The following MDN1 variants were observed in gnomAD, a reference collection of about 807,000 sequenced individuals.
The protein encoded by MDN1 is midasin.
MDN1 carries 266 observed loss-of-function variants against 669.2 expected under a neutral mutation model. The ratio of observed to expected loss-of-function variants is 0.40; its 90% CI spans 0.36 to 0.44. The LOEUF (loss-of-function observed/expected upper bound fraction) is 0.44, where lower values mean the gene tolerates loss of function less well. Among genes scored for constraint, MDN1 ranks in the 20% least tolerant of loss-of-function variants. The pLI is 1.00. For missense variants in MDN1, 5,940 were observed against 6,754.0 expected (o/e 0.88, Z 4.22); for synonymous variants, 2,385 against 2,457.1 (o/e 0.97, Z 0.87).
At chr6:89,737,789 T>C (rs1217349167) in intron 33 of MDN1, among the ~76,000 whole-genome samples, 1 of 150,550 alleles carries the variant, frequency 6.6e-6, no homozygotes, top group Non-Finnish European at 1.5e-5. Flanking sequence ...AATGGCGCGA[T>C]CTTGGATCAC....
chr6:89,698,610 T>TG (rs376144796), intron 59 of MDN1, among the ~76,000 whole-genome samples: 1 of 152,324 alleles, frequency 6.6e-6, no homozygotes, highest in African/African-American at 2.4e-5. Flanking sequence ...TGTTTTATAG[T>TG]GGGAAAAATG....
chr6:89,688,114 G>T lies in MDN1; in HGVS notation c.11319C>A (p.Phe3773Leu). The change falls in exon 67 of 102, where the codon TTC becomes TTA. Residue 3773 changes from phenylalanine to leucine, a missense_variant. Physicochemically the swap from Phe to Leu is conservative, Grantham distance 22. Coordinates refer to ENST00000369393, the MANE Select transcript of MDN1 (RefSeq NM_014611.3). ...SFPLSSPISKFLNGLEILLAK... is the reference protein window; with the variant it reads ...SFPLSSPISKLLNGLEILLAK... ...CCAGAAGGATCTCTAAGCCATTCAG[G>T]AACTTTGAGATGGGACTGGAAAGTG... 6 of 1,614,112 alleles carry T rather than the reference G, an allele frequency of 3.7e-6. No homozygotes were observed. Among genetic ancestry groups the T allele is most frequent in the Non-Finnish European group, 5.1e-6 (6 of 1,179,990 alleles).
At chr6:89,717,439 CTT>C (rs1176772123) in intron 43 of MDN1, among the ~76,000 whole-genome samples, 1 of 152,174 alleles carries the variant, frequency 6.6e-6, no homozygotes, top group African/African-American at 2.4e-5. Context: ...AATTTTGTCT[CTT>C]TGAATATTCA....
At chr6:89,780,892 G>A (rs1169935970) in intron 10 of MDN1, among the ~76,000 whole-genome samples, 1 of 150,450 alleles carries the variant, frequency 6.6e-6, no homozygotes, top group Non-Finnish European at 1.5e-5. Flanking sequence ...CTCATGATCC[G>A]CCCACCTCGG....
At chr6:89,659,819 G>C (rs1433649054) in intron 88 of MDN1, among the ~76,000 whole-genome samples, 1 of 152,174 alleles carries the variant, frequency 6.6e-6, no homozygotes, top group African/African-American at 2.4e-5. Context: ...TTTATCAAAA[G>C]AGATTTTCTA....
intron 11 of MDN1, among the ~76,000 whole-genome samples, chr6:89,778,907 T>TAAATAAAC: frequency 7.0e-6 from 1 of 142,532 alleles, no homozygotes; most frequent in Non-Finnish European, 1.5e-5. Context: ...AATAAATAAA[T>TAAATAAAC]AAATAAATAA....
At chr6:89,731,461 G>A (rs1001210131) in intron 34 of MDN1, among the ~76,000 whole-genome samples, 1 of 152,136 alleles carries the variant, frequency 6.6e-6, no homozygotes, top group Non-Finnish European at 1.5e-5. Context: ...TCTTTGCAGG[G>A]TCATGGATGA....
chr6:89,761,660 C>A lies in MDN1; in HGVS notation c.2445G>T (p.Leu815Phe). The A allele has an allele frequency of 6.2e-7, 1 of 1,608,616 alleles. No individual in the cohort carries two copies. Among genetic ancestry groups the A allele is most frequent in the Non-Finnish European group, 8.5e-7 (1 of 1,177,078 alleles). The change falls in exon 17 of 102, where the codon TTG becomes TTT. Residue 815 changes from leucine (L) to phenylalanine (F), a missense_variant. Leu to Phe is a conservative substitution (Grantham distance 22). Coordinates refer to ENST00000369393, the MANE Select transcript of MDN1 (RefSeq NM_014611.3). Reference protein sequence around the residue: ...QQMKMTENTLLFAFVEGTLAQ... With the variant: ...QQMKMTENTLFFAFVEGTLAQ... ...ACAGAAATACCTCTACAAATGCGAA[C>A]AATAAGGTATTTTCAGTCATTTTCA...
intron 53 of MDN1, among the ~76,000 whole-genome samples, chr6:89,704,800 T>C (rs1253240295): frequency 6.6e-6 from 1 of 152,208 alleles, no homozygotes; most frequent in Non-Finnish European, 1.5e-5. Context: ...CAGGATGGCC[T>C]TGATCTCCTG....
chr6:89,771,101 G>A (rs896339733), intron 15 of MDN1, among the ~76,000 whole-genome samples: 1 of 152,160 alleles, frequency 6.6e-6, no homozygotes, highest in African/African-American at 2.4e-5. Flanking sequence ...GTGGGACCCT[G>A]AGGAAACTAA....
At chr6:89,801,087 C>G (rs1215711167) in intron 2 of MDN1, among the ~76,000 whole-genome samples, 1 of 152,226 alleles carries the variant, frequency 6.6e-6, no homozygotes, top group Non-Finnish European at 1.5e-5. Context: ...TAAGGTTACA[C>G]TCTGATATAA....
At chr6:89,745,663 T>C in intron 27 of MDN1, 37 bp from the exon 28 acceptor site, 1 of 1,595,940 alleles carries the variant, frequency 6.3e-7, no homozygotes, top group Non-Finnish European at 8.6e-7. Context: ...AGAGGAATCA[T>C]CAAGTGTCTA....
chr6:89,740,401 G>A (rs1816224937), intron 31 of MDN1, 23 bp from the exon 32 acceptor site: 1 of 1,561,198 alleles, frequency 6.4e-7, no homozygotes, highest in East Asian at 2.4e-5. Context: ...TTGAAGAACA[G>A]TGAAAAGGGC....
chr6:89,644,975 A>G (rs772130947), intron 101 of MDN1, 40 bp downstream of exon 101: 1 of 1,562,988 alleles, frequency 6.4e-7, no homozygotes, highest in South Asian at 1.2e-5. Context: ...GGGAATCCCC[A>G]CTTTACCTCC....
At chr6:89,722,095 T>C (rs998269776) in intron 40 of MDN1, among the ~76,000 whole-genome samples, 5 of 152,230 alleles carry the variant, frequency 3.3e-5, no homozygotes, top group Admixed American at 6.5e-5. Context: ...ACCTCCTGCC[T>C]ATAGCTACTG....
intron 8 of MDN1, among the ~76,000 whole-genome samples, chr6:89,786,200 A>G (rs1818949126): frequency 6.6e-6 from 1 of 152,182 alleles, no homozygotes; most frequent in East Asian, 1.9e-4. Context: ...CAGAGGTTGC[A>G]GTGAGCCAAA....
In MDN1 at chr6:89,750,587, A is replaced by G; in HGVS notation, c.3228-55T>C. 18 of 1,509,010 alleles carry G rather than the reference A, an allele frequency of 1.2e-5. No individual in the cohort carries two copies. In the South Asian group the frequency reaches 2.0e-4, roughly 17 times the overall value. 93.5% of individuals were successfully genotyped at this position (1,509,010 alleles called of 1,614,324 possible). A position where few individuals can be genotyped will look rare whatever the true frequency, so the allele number is the denominator to read the frequency against. On this transcript the variant is annotated intron_variant, in intron 23 of 101. Coordinates refer to ENST00000369393, the MANE Select transcript of MDN1 (RefSeq NM_014611.3). ...AAAACAACAAAAAATTACAAAGCTG[A>G]GAAACCAGAACTGAGTATTGGTTTG... is the stretch of plus-strand genomic sequence containing the variant.
intron 46 of MDN1, 65 bp from the exon 47 acceptor site, chr6:89,713,361 A>G: frequency 7.1e-7 from 1 of 1,415,112 alleles, no homozygotes. Context: ...AAAATGGATA[A>G]ATTCTGCCCT....
rs1271367354 is a variant in MDN1 at position 89,695,876 on chromosome 6, A to T, written c.9500T>A (p.Leu3167His). The stretch of plus-strand genomic sequence containing the variant: ...ATGCTGGAAGGCCTGGCTGCTCCCA[A>T]GCAGCAGCTGCTCACAGTTCTGCAT... ...EYMQNCEQLL[L>H]GSSQAFQHVG... The change falls in exon 61 of 102, where the codon CTT becomes CAT. Residue 3167 changes from leucine to histidine, a missense_variant. Around this residue, in one of 5 missense-constraint regions of MDN1, gnomAD observed 2,292 missense variants for 2,638.3 expected, o/e 0.87. Transcript: ENST00000369393. This position sits in a 1 kb window ranked among gnomAD's most constrained non-coding sequence, Gnocchi z 4.1. 1 of 1,613,270 alleles carries T rather than the reference A, an allele frequency of 6.2e-7. No individual in the cohort carries two copies. Among genetic ancestry groups the T allele is most frequent in the Non-Finnish European group, 8.5e-7 (1 of 1,180,038 alleles).
Sources: allele counts gnomAD v4.1 joint callset (sites outside exome capture counted in the v4.1 genomes callset), GRCh38; gene constraint gnomAD v4.1.1; regional missense constraint gnomAD v4.1.1; non-coding constraint Gnocchi (gnomAD v3.1); transcripts MANE v1.5; gene names NCBI Gene and HGNC (gene_info 2026-07-23, HGNC 2026-07-21).